GCN1: variants seen among roughly 807,000 people sequenced by gnomAD.
GCN1 encodes GCN1 activator of EIF2AK4.
Under a neutral mutation model 288.4 loss-of-function variants are expected in GCN1, and 90 were observed. The ratio of observed to expected loss-of-function variants is 0.31; its 90% CI spans 0.26 to 0.37. The LOEUF is 0.37. Among genes scored for constraint, GCN1 ranks in the 10% least tolerant of loss-of-function variants. The pLI is 1.00. For synonymous variants in GCN1, 1,386 were observed against 1,420.2 expected, an observed-to-expected ratio of 0.98 and a Z score of 0.54; for missense variants, 2,586 against 3,419.9, an observed-to-expected ratio of 0.76 and a Z score of 6.08.
chr12:120,131,421 A>T, intron 54 of GCN1, 88 bp from the exon 55 acceptor site: 1 of 1,309,406 alleles, frequency 7.6e-7, no homozygotes, highest in Non-Finnish European at 1.1e-6. Flanking sequence ...CCCGCTGGAG[A>T]CCAGTGTGCT....
intron 16 of GCN1, among the ~76,000 whole-genome samples, chr12:120,165,441 A>G (rs1386860993): frequency 6.6e-6 from 1 of 152,068 alleles, no homozygotes; most frequent in African/African-American, 2.4e-5. Context: ...AAGTGCTAGG[A>G]TTACAGGCGT....
At chr12:120,170,415 G>A (rs1437829952) in intron 14 of GCN1, 94 bp from the exon 15 acceptor site, 20 of 1,074,022 alleles carry the variant, frequency 1.9e-5, no homozygotes, top group South Asian at 2.9e-5. Context: ...TGAACCAGAC[G>A]ACTAAAACCC....
Position 120,168,224 on chromosome 12 carries a change from G to T in GCN1, c.1596C>A (p.Val532=). ...KQVFTSEKFL[V]MASEDALCTV... ...GTAACTTACCATCCTCTGAAGCCAT[G>T]ACCAGGAATTTCTCAGAAGTGAAAA... Residue 532 remains valine, a synonymous_variant, in exon 16 of 58, where the codon GTC becomes GTA. Transcript: ENST00000300648. The T allele has an allele frequency of 6.3e-7, 1 of 1,581,344 alleles. No homozygotes were observed. Among genetic ancestry groups the T allele is most frequent in the Non-Finnish European group, 8.7e-7 (1 of 1,150,068 alleles).
At chr12:120,154,087 C>T (rs1441554468) in intron 31 of GCN1, among the ~76,000 whole-genome samples, 178 bp from the exon 32 acceptor site, 1 of 152,242 alleles carries the variant, frequency 6.6e-6, no homozygotes, top group East Asian at 1.9e-4. Flanking sequence ...GAACAACCCA[C>T]TTGTCATATG....
intron 33 of GCN1, among the ~76,000 whole-genome samples, chr12:120,152,918 A>G (rs1877615009): frequency 6.6e-6 from 1 of 152,070 alleles, no homozygotes; most frequent in South Asian, 2.1e-4. Flanking sequence ...CTATTAGAAC[A>G]AAGTAACAAA....
chr12:120,137,144 A>G lies in GCN1; in HGVS notation c.6777+62T>C. 1.7e-6 allele frequency: 2 copies of G among 1,210,866 alleles called. No individual in the cohort carries two copies. Among genetic ancestry groups the G allele is most frequent in the Non-Finnish European group, 2.5e-6 (2 of 815,052 alleles). The allele number at this position is 1,210,866 out of a possible 1,614,324, so 75.0% of individuals were successfully genotyped here. ...CCTACCGCAGACCTGGGACAGGGGTAAGGGCCAGAAGGGCACAACAGACTG... is the reference window on the plus strand; with the variant it reads ...CCTACCGCAGACCTGGGACAGGGGTGAGGGCCAGAAGGGCACAACAGACTG... On this transcript the variant is annotated intron_variant, in intron 50 of 57. Coordinates refer to ENST00000300648, the MANE Select transcript of GCN1 (RefSeq NM_006836.2). This position sits in a 1 kb window ranked among gnomAD's most constrained non-coding sequence, Gnocchi z 5.2.
At chr12:120,157,057 C>T (rs773389375) in intron 26 of GCN1, 65 bp from the exon 27 acceptor site, 176 of 1,032,844 alleles carry the variant, frequency 1.7e-4, no homozygotes, top group Admixed American at 4.2e-4. Context: ...AGGCGGCCAA[C>T]GGCAGGGCAT....
chr12:120,150,202 C>T (rs988196071), intron 34 of GCN1, among the ~76,000 whole-genome samples, 159 bp from the exon 35 acceptor site: 1 of 152,164 alleles, frequency 6.6e-6, no homozygotes. Flanking sequence ...AGGCAGCACC[C>T]TCTGCCTCAG....
In GCN1 at chr12:120,161,557, G is replaced by A; in HGVS notation, c.2369C>T (p.Ala790Val). Residue 790 changes from alanine (A) to valine (V), a missense_variant, in exon 22 of 58, where the codon GCC becomes GTC. Transcript: ENST00000300648. ...AGCTTTGTTCTCTCGCTTCATGTTG[G>A]CCTTTTTTATGCTGTCCTGCTGGGC... is the stretch of plus-strand genomic sequence containing the variant. ...QSAQQDSIKK[A>V]NMKRENKAYS... 1 of 1,613,782 alleles carries A rather than the reference G, an allele frequency of 6.2e-7. No homozygotes were observed. Among genetic ancestry groups the A allele is most frequent in the South Asian group, 1.1e-5 (1 of 91,074 alleles).
At chr12:120,154,050 AC>A in intron 31 of GCN1, 141 bp from the exon 32 acceptor site, 1 of 660,944 alleles carries the variant, frequency 1.5e-6, no homozygotes, top group East Asian at 2.7e-5. Context: ...CCTGAAGCCC[AC>A]CACCCAGTGC....
At chr12:120,194,540 C>G (rs1879109423) in intron 1 of GCN1, 140 bp downstream of exon 1, 1 of 853,130 alleles carries the variant, frequency 1.2e-6, no homozygotes. Context: ...GAGAGTCCAG[C>G]CTGAGACGGC....
intron 1 of GCN1, among the ~76,000 whole-genome samples, chr12:120,191,008 G>C (rs1001228509): frequency 6.6e-6 from 1 of 152,136 alleles, no homozygotes; most frequent in Admixed American, 6.6e-5. Context: ...CCAATCTTCA[G>C]TTTTCTCATC....
At chr12:120,150,598 GA>G (rs1484903480) in intron 34 of GCN1, among the ~76,000 whole-genome samples, 1 of 147,846 alleles carries the variant, frequency 6.8e-6, no homozygotes, top group Non-Finnish European at 1.5e-5. Context: ...AAGAAAGAAA[GA>G]AAGAAAGAAA....
Position 120,142,821 on chromosome 12 carries a change from C to T in GCN1, c.5613+3G>A, listed in dbSNP as rs1332054614. 1.2e-6 allele frequency: 2 copies of T among 1,606,962 alleles called. No homozygotes were observed. The highest frequency in any genetic ancestry group is 1.7e-5 in the Admixed American group (1 of 60,024). On this transcript the variant is annotated splice_donor_region_variant and intron_variant, in intron 43 of 57. Coordinates refer to ENST00000300648, the MANE Select transcript of GCN1 (RefSeq NM_006836.2). This position sits in a 1 kb window ranked among gnomAD's most constrained non-coding sequence, Gnocchi z 4.9. Reference sequence around the variant, plus strand: ...GCAGGGGCAGGAAAGCCACTGCAGGCACCTTGTTGGACTGGGCAGTTCCAA... The same window carrying T: ...GCAGGGGCAGGAAAGCCACTGCAGGTACCTTGTTGGACTGGGCAGTTCCAA...
At chr12:120,177,294 CCCCAATCTCTCT>C (rs1378769518) in intron 9 of GCN1, among the ~76,000 whole-genome samples, 141 bp downstream of exon 9, 1 of 152,120 alleles carries the variant, frequency 6.6e-6, no homozygotes, top group African/African-American at 2.4e-5. Context: ...CGCAAAAGGT[CCCCAATCTCTCT>C]CCCAAGGTCC....
rs1876841491 is a variant in GCN1, at chr12:120,131,980, A to T, written c.7360T>A (p.Cys2454Ser). ...ISSAGCLGEL[C>S]AFLTEEELSA... is the part of the protein sequence containing the mutation. The stretch of plus-strand genomic sequence containing the variant: ...AGCTCCTCTTCAGTCAAAAAGGCAC[A>T]CAGTTCCCCTAGGCACCCGGCTGAG... Residue 2454 changes from cysteine (C) to serine (S), a missense_variant, in exon 54 of 58, where the codon TGT (cysteine) becomes AGT (serine). Physicochemically the swap from Cys to Ser is moderately radical, Grantham distance 112. Around this residue, in one of 8 missense-constraint regions of GCN1, gnomAD observed 355 missense variants for 431.1 expected, o/e 0.82. Coordinates refer to ENST00000300648, the MANE Select transcript of GCN1 (RefSeq NM_006836.2). 6 of 1,605,380 alleles carry T rather than the reference A, an allele frequency of 3.7e-6. No individual in the cohort carries two copies. Among genetic ancestry groups the T allele is most frequent in the Non-Finnish European group, 5.1e-6 (6 of 1,175,292 alleles).
At position 120,155,811 on chromosome 12, in the gene GCN1, A is replaced by G; in HGVS notation, c.3313-92T>C. The G allele has an allele frequency of 7.9e-7, 1 of 1,267,560 alleles. No individual in the cohort carries two copies. Among genetic ancestry groups the G allele is most frequent in the Non-Finnish European group, 1.1e-6 (1 of 893,070 alleles). 78.5% of individuals were successfully genotyped at this position (1,267,560 alleles called of 1,614,324 possible). A position where few individuals can be genotyped will look rare whatever the true frequency, so the allele number is the denominator to read the frequency against. On this transcript the variant is annotated intron_variant, in intron 28 of 57. Transcript: ENST00000300648. This position sits in a 1 kb window ranked among gnomAD's most constrained non-coding sequence, Gnocchi z 4.9. ...ACCTCTCTCTAGGTTGTACTGTCCA[A>G]GATGTAGCCACTAACCGCATGTGGC...
Position 120,178,801 on chromosome 12 carries a change from G to A in GCN1, c.526-42C>T, listed in dbSNP as rs752806429. On this transcript the variant is annotated intron_variant, in intron 6 of 57. Coordinates refer to ENST00000300648, the MANE Select transcript of GCN1 (RefSeq NM_006836.2). ...CAGGCAGGTGTTTAAGATGGCAGTG[G>A]GGGAGTGGCATGGAAGAAGCAATGC... 3.1e-6 allele frequency: 5 copies of A among 1,613,670 alleles called. No homozygotes were observed. In the South Asian group the frequency reaches 5.5e-5, roughly 18 times the overall value.
At chr12:120,129,239 T>C in intron 57 of GCN1, 37 bp downstream of exon 57, 1 of 1,422,414 alleles carries the variant, frequency 7.0e-7, no homozygotes, top group Non-Finnish European at 9.9e-7. Flanking sequence ...AGACAAATGC[T>C]CACAGCACAT....
Sources: allele counts gnomAD v4.1 joint callset (sites outside exome capture counted in the v4.1 genomes callset), GRCh38; gene constraint gnomAD v4.1.1; regional missense constraint gnomAD v4.1.1; non-coding constraint Gnocchi (gnomAD v3.1); transcripts MANE v1.5; gene names NCBI Gene and HGNC (gene_info 2026-07-23, HGNC 2026-07-21).